Variants in SLC60A1 observed in about 807,000 individuals in gnomAD.
The protein encoded by SLC60A1 is major facilitator superfamily domain containing 4.
chr1:205,588,978 G>A, the SLC60A1 span, among the ~76,000 whole-genome samples: 7 of 152,348 alleles, frequency 4.6e-5, no homozygotes, highest in East Asian at 1.2e-3. Context: ...GCCACACTGC[G>A]TGGGAAGAGA....
chr1:205,600,510 C>T, the SLC60A1 span: 1 of 1,577,508 alleles, frequency 6.3e-7, no homozygotes. Flanking sequence ...TGATCACCAG[C>T]ACGACCATAC....
At chr1:205,586,723 G>A in the SLC60A1 span, among the ~76,000 whole-genome samples, 1 of 150,900 alleles carries the variant, frequency 6.6e-6, no homozygotes, top group Admixed American at 6.6e-5. Flanking sequence ...TTGAGATAGG[G>A]TCTCCCTTTG....
the SLC60A1 span, among the ~76,000 whole-genome samples, chr1:205,585,458 G>C: frequency 6.6e-6 from 1 of 152,172 alleles, no homozygotes; most frequent in Non-Finnish European, 1.5e-5. The surrounding 1 kb of genome is among the most constrained non-coding windows in gnomAD (Gnocchi z 4.2). Context: ...TGTTACATTA[G>C]TTAGCACCTT....
At chr1:205,570,652 C>T in the SLC60A1 span, among the ~76,000 whole-genome samples, 2 of 152,198 alleles carry the variant, frequency 1.3e-5, no homozygotes, top group African/African-American at 2.4e-5. Context: ...AAGCAAGTCT[C>T]CTTGTGTACA....
At chr1:205,579,833 G>C in the SLC60A1 span, 10 of 1,614,162 alleles carry the variant, frequency 6.2e-6, no homozygotes, top group Non-Finnish European at 7.6e-6. Flanking sequence ...CTGCCGCGAC[G>C]TGAAGGTGCT....
the SLC60A1 span, among the ~76,000 whole-genome samples, chr1:205,577,333 G>T: frequency 6.6e-6 from 1 of 152,142 alleles, no homozygotes; most frequent in East Asian, 1.9e-4. This position sits in a 1 kb window ranked among gnomAD's most constrained non-coding sequence, Gnocchi z 5.2. Flanking sequence ...CAAGACAAGC[G>T]TTCCCCAAGC....
the SLC60A1 span, among the ~76,000 whole-genome samples, chr1:205,594,393 C>T: frequency 1.7e-4 from 26 of 152,344 alleles, no homozygotes; most frequent in South Asian, 4.1e-4. Context: ...CAGTGGCTCA[C>T]GCCTGTAATC....
At chr1:205,571,350 A>C in the SLC60A1 span, among the ~76,000 whole-genome samples, 1 of 152,236 alleles carries the variant, frequency 6.6e-6, no homozygotes, top group Non-Finnish European at 1.5e-5. Context: ...TTTGTGAGTC[A>C]TCAGTGTAAA....
At chr1:205,576,532 G>C in the SLC60A1 span, among the ~76,000 whole-genome samples, 1 of 152,190 alleles carries the variant, frequency 6.6e-6, no homozygotes, top group South Asian at 2.1e-4. Flanking sequence ...GGTGGGCCTA[G>C]AACCCAGTAT....
chr1:205,599,059 G>A, the SLC60A1 span: 1 of 1,585,440 alleles, frequency 6.3e-7, no homozygotes. Context: ...GGATGGAGAA[G>A]GCTGCTTCCT....
chr1:205,593,153 G>C, the SLC60A1 span, among the ~76,000 whole-genome samples: 6 of 151,916 alleles, frequency 3.9e-5, no homozygotes, highest in African/African-American at 1.5e-4. Context: ...AGACGCACTA[G>C]AGGCTGGAAA....
the SLC60A1 span, among the ~76,000 whole-genome samples, chr1:205,592,519 G>A: frequency 6.6e-6 from 1 of 151,994 alleles, no homozygotes; most frequent in African/African-American, 2.4e-5. Context: ...ATCTCCTAAT[G>A]CTATCCCTCC....
At chr1:205,573,949 G>T in the SLC60A1 span, among the ~76,000 whole-genome samples, 1 of 151,866 alleles carries the variant, frequency 6.6e-6, no homozygotes, top group African/African-American at 2.4e-5. Context: ...CGCCTACCTT[G>T]GCCTCCCAAA....
the SLC60A1 span, among the ~76,000 whole-genome samples, chr1:205,583,650 A>C: frequency 6.6e-6 from 1 of 152,204 alleles, no homozygotes; most frequent in Non-Finnish European, 1.5e-5. Context: ...CACTCCAGCA[A>C]GCTTACTCCC....
the SLC60A1 span, among the ~76,000 whole-genome samples, chr1:205,580,127 G>C: frequency 6.6e-6 from 1 of 152,152 alleles, no homozygotes; most frequent in African/African-American, 2.4e-5. This position sits in a 1 kb window ranked among gnomAD's most constrained non-coding sequence, Gnocchi z 5.0. Context: ...CTCACTGCAG[G>C]GTGTCCCAGG....
the SLC60A1 span, chr1:205,580,824 C>G: frequency 6.2e-7 from 1 of 1,614,184 alleles, no homozygotes; most frequent in South Asian, 1.1e-5. This position sits in a 1 kb window ranked among gnomAD's most constrained non-coding sequence, Gnocchi z 5.0. Context: ...CACGTAGATG[C>G]CAAGCCTTGG....
chr1:205,569,486 CCCT>C, the SLC60A1 span, among the ~76,000 whole-genome samples: 5 of 127,912 alleles, frequency 3.9e-5, no homozygotes, highest in African/African-American at 1.3e-4. Flanking sequence ...CTCCCTCCCT[CCCT>C]CCCTCCCCCG....
chr1:205,593,556 T>C, the SLC60A1 span, among the ~76,000 whole-genome samples: 1 of 151,738 alleles, frequency 6.6e-6, no homozygotes, highest in Non-Finnish European at 1.5e-5. Context: ...CCAGCAGTTA[T>C]CCACAGCCTG....
chr1:205,577,351 C>T, the SLC60A1 span, among the ~76,000 whole-genome samples: 6 of 152,200 alleles, frequency 3.9e-5, no homozygotes, highest in Admixed American at 2.0e-4. This position sits in a 1 kb window ranked among gnomAD's most constrained non-coding sequence, Gnocchi z 5.2. Flanking sequence ...AGCACTGCGC[C>T]GGTCACTAGC....
Sources: gnomAD v4.1 joint callset for allele counts (sites outside exome capture counted in the v4.1 genomes callset) on GRCh38, gnomAD v4.1.1 for gene constraint, Gnocchi (gnomAD v3.1) non-coding constraint, MANE v1.5 for transcripts, NCBI Gene and HGNC (gene_info 2026-07-23, HGNC 2026-07-21) for gene names.